The following SIL1 variants were observed in gnomAD, a reference collection of about 807,000 sequenced individuals.
The protein encoded by SIL1 is SIL1 nucleotide exchange factor, also known as nucleotide exchange factor SIL1.
In SIL1, 40 loss-of-function variants were observed where a neutral mutation model predicts 49.1. That is an observed-to-expected ratio of 0.81 (90% CI 0.63 to 1.06). The LOEUF (loss-of-function observed/expected upper bound fraction) is 1.06. Ranked by LOEUF, SIL1 falls within the 50% of genes least tolerant of loss-of-function variation. The pLI is 0.00. For synonymous variants in SIL1, 253 were observed against 250.8 expected, an observed-to-expected ratio of 1.01 and a Z score of -0.08; for missense variants, 500 against 572.6, an observed-to-expected ratio of 0.87 and a Z score of 1.29.
At chr5:139,032,047 T>G (rs559266706) in intron 5 of SIL1, among the ~76,000 whole-genome samples, 1 of 152,228 alleles carries the variant, frequency 6.6e-6, no homozygotes, top group African/African-American at 2.4e-5. Context: ...TGGACAACTG[T>G]GTCATCTGGA....
chr5:139,094,243 A>C (rs1377313369), intron 3 of SIL1, among the ~76,000 whole-genome samples: 5 of 152,208 alleles, frequency 3.3e-5, no homozygotes, highest in African/African-American at 7.2e-5. Context: ...GCCTAAACAC[A>C]AACTCCTCAC....
intron 4 of SIL1, among the ~76,000 whole-genome samples, chr5:139,046,129 C>G (rs879852506): frequency 6.6e-6 from 1 of 152,194 alleles, no homozygotes; most frequent in African/African-American, 2.4e-5. Flanking sequence ...AATTTCAAGA[C>G]CAGCCTGGCC....
chr5:139,092,513 C>A (rs962189911), intron 3 of SIL1, among the ~76,000 whole-genome samples: 2 of 152,204 alleles, frequency 1.3e-5, no homozygotes, highest in African/African-American at 4.8e-5. Flanking sequence ...GCAAGATACC[C>A]TGCTTATTTA....
chr5:138,952,014 C>CA (rs1196534296), intron 7 of SIL1, 130 bp from the exon 8 acceptor site: 3 of 823,558 alleles, frequency 3.6e-6, no homozygotes, highest in Non-Finnish European at 6.1e-6. Flanking sequence ...CGGGGCAAGT[C>CA]AAACTCAGCT....
At chr5:139,037,503 C>G (rs1298246131) in intron 5 of SIL1, among the ~76,000 whole-genome samples, 1 of 152,210 alleles carries the variant, frequency 6.6e-6, no homozygotes, top group Admixed American at 6.5e-5. Flanking sequence ...TACAGTTCCA[C>G]AGGTCCCTAA....
At chr5:139,066,982 T>C (rs1769719490) in intron 3 of SIL1, among the ~76,000 whole-genome samples, 1 of 152,188 alleles carries the variant, frequency 6.6e-6, no homozygotes, top group Admixed American at 6.5e-5. Context: ...ACTTGCCAAG[T>C]TTTCCCCAAT....
At chr5:139,089,214 G>T (rs934062466) in intron 3 of SIL1, among the ~76,000 whole-genome samples, 2 of 152,220 alleles carry the variant, frequency 1.3e-5, no homozygotes, top group African/African-American at 4.8e-5. Context: ...AGTGGGAAAA[G>T]ATTTCAACTG....
chr5:139,021,165 G>C lies in SIL1; in HGVS notation c.767+6C>G. ...TGGCCATTGGGACGTCCATTATACT[G>C]CTCACCTGGAAAAGGCAGCGCCCAG... is the stretch of plus-strand genomic sequence containing the variant. On this transcript the variant is annotated splice_donor_region_variant and intron_variant, in intron 7 of 9. Coordinates refer to ENST00000394817, the MANE Select transcript of SIL1 (RefSeq NM_022464.5). 1 of 1,614,092 alleles carries C rather than the reference G, an allele frequency of 6.2e-7. No homozygotes were observed. Among genetic ancestry groups the C allele is most frequent in the South Asian group, 1.1e-5 (1 of 91,078 alleles).
At chr5:139,043,387 AT>A (rs1314303856) in intron 4 of SIL1, among the ~76,000 whole-genome samples, 1 of 152,026 alleles carries the variant, frequency 6.6e-6, no homozygotes, top group Non-Finnish European at 1.5e-5. Context: ...CTATTAATAT[AT>A]TTTTCCATGA....
chr5:138,984,422 G>A (rs1398537771), intron 7 of SIL1, among the ~76,000 whole-genome samples: 2 of 150,784 alleles, frequency 1.3e-5, no homozygotes, highest in African/African-American at 2.4e-5. Flanking sequence ...GCAGTGGGGT[G>A]ATCTTGGCTC....
intron 3 of SIL1, 63 bp from the exon 4 acceptor site, chr5:139,051,109 C>A: frequency 6.8e-7 from 1 of 1,479,432 alleles, no homozygotes; most frequent in South Asian, 1.1e-5. Flanking sequence ...GTCGGGATGG[C>A]CAGCAAGCCA....
intron 3 of SIL1, among the ~76,000 whole-genome samples, chr5:139,083,793 CTAGGGTT>C (rs1304021195): frequency 2.2e-3 from 28 of 13,006 alleles, no homozygotes; most frequent in Middle Eastern, 9.3e-3. Context: ...AGGTTTTCTT[CTAGGGTT>C]TTTATGGTTT....
intron 5 of SIL1, among the ~76,000 whole-genome samples, chr5:139,039,578 G>C (rs1054185830): frequency 2.0e-5 from 3 of 152,144 alleles, no homozygotes; most frequent in African/African-American, 4.8e-5. Context: ...GAAAATCCAA[G>C]GAACTCACTG....
At chr5:139,027,053 G>A in intron 5 of SIL1, 61 bp from the exon 6 acceptor site, 1 of 1,523,966 alleles carries the variant, frequency 6.6e-7, no homozygotes, top group Non-Finnish European at 9.1e-7. Context: ...AGATGTCTGT[G>A]GTCTACCATG....
intron 1 of SIL1, among the ~76,000 whole-genome samples, chr5:139,146,374 A>ATG (rs1751197315): frequency 6.6e-6 from 1 of 152,064 alleles, no homozygotes; most frequent in Non-Finnish European, 1.5e-5. Flanking sequence ...CTGGGCAACA[A>ATG]AGTGAGACCC....
At chr5:139,183,698 T>C (rs1363256674) in intron 1 of SIL1, among the ~76,000 whole-genome samples, 1 of 152,216 alleles carries the variant, frequency 6.6e-6, no homozygotes, top group Non-Finnish European at 1.5e-5. Flanking sequence ...CAACAGCTGC[T>C]GGGAAGACCT....
At chr5:139,011,324 C>T (rs557922058) in intron 7 of SIL1, among the ~76,000 whole-genome samples, 2 of 152,206 alleles carry the variant, frequency 1.3e-5, no homozygotes, top group African/African-American at 2.4e-5. Context: ...CTTCGGCTCC[C>T]GCACCGTGCG....
intron 7 of SIL1, among the ~76,000 whole-genome samples, chr5:138,974,441 G>A (rs145080877): frequency 1.8e-3 from 279 of 152,284 alleles, no homozygotes; most frequent in Non-Finnish European, 3.2e-3. Flanking sequence ...ATGACCTCAC[G>A]GCCTTTACAT....
intron 3 of SIL1, among the ~76,000 whole-genome samples, chr5:139,085,358 G>A (rs1259302622): frequency 6.6e-6 from 1 of 152,142 alleles, no homozygotes; most frequent in Non-Finnish European, 1.5e-5. Flanking sequence ...AACCACTTCG[G>A]TTTCTTCAGG....
Sources: allele counts gnomAD v4.1 joint callset (sites outside exome capture counted in the v4.1 genomes callset), GRCh38; gene constraint gnomAD v4.1.1; transcripts MANE v1.5; gene names NCBI Gene and HGNC (gene_info 2026-07-23, HGNC 2026-07-21).